The following C12orf42 variants were observed in gnomAD, a reference collection of about 807,000 sequenced individuals.
C12orf42 encodes the protein chromosome 12 open reading frame 42.
In C12orf42, 25 loss-of-function variants were observed where a neutral mutation model predicts 21.6. The ratio of observed to expected loss-of-function variants is 1.16; its 90% CI spans 0.84 to 1.62. The LOEUF (loss-of-function observed/expected upper bound fraction) is 1.62. Among genes scored for constraint, C12orf42 ranks in the 40% most tolerant of loss-of-function variants. The pLI is 0.00. For synonymous variants in C12orf42, 174 were observed against 175.0 expected, an observed-to-expected ratio of 0.99 and a Z score of 0.05; for missense variants, 483 against 459.3, an observed-to-expected ratio of 1.05 and a Z score of -0.47.
chr12:103,541,647 A>G, the C12orf42 span, among the ~76,000 whole-genome samples: 1 of 152,148 alleles, frequency 6.6e-6, no homozygotes, highest in Non-Finnish European at 1.5e-5. Flanking sequence ...TTTAAAGTGT[A>G]CTTGTGTACT....
chr12:103,473,804 A>G (rs1370740410), intron 2 of C12orf42, among the ~76,000 whole-genome samples: 1 of 152,194 alleles, frequency 6.6e-6, no homozygotes, highest in Non-Finnish European at 1.5e-5. Context: ...ATTTCTTTGT[A>G]TAATTATCTT....
intron 4 of C12orf42, among the ~76,000 whole-genome samples, chr12:103,293,543 A>G (rs1020494756): frequency 1.3e-5 from 2 of 152,112 alleles, no homozygotes; most frequent in African/African-American, 4.8e-5. Context: ...AATTATTCCA[A>G]CCAGAACTGA....
intron 2 of C12orf42, among the ~76,000 whole-genome samples, chr12:103,440,890 A>G (rs1951194128): frequency 6.6e-6 from 1 of 152,186 alleles, no homozygotes; most frequent in Non-Finnish European, 1.5e-5. Flanking sequence ...CTTAGCATCT[A>G]TTAAGTTTGC....
the C12orf42 span, among the ~76,000 whole-genome samples, chr12:103,176,138 G>A: frequency 3.3e-5 from 5 of 151,876 alleles, no homozygotes; most frequent in Non-Finnish European, 5.9e-5. Context: ...ATTGCTTACC[G>A]GCTAATTGTT....
At chr12:103,226,115 C>T in the C12orf42 span, among the ~76,000 whole-genome samples, 1 of 152,198 alleles carries the variant, frequency 6.6e-6, no homozygotes, top group Admixed American at 6.5e-5. Context: ...CATTCCTTGG[C>T]CCAGTGGCCA....
the C12orf42 span, among the ~76,000 whole-genome samples, chr12:103,104,650 G>A: frequency 2.0e-5 from 3 of 152,120 alleles, no homozygotes; most frequent in Non-Finnish European, 4.4e-5. Flanking sequence ...CATGTTGGCC[G>A]GGATGGTCTC....
chr12:103,208,863 T>C, the C12orf42 span, among the ~76,000 whole-genome samples: 40 of 152,330 alleles, frequency 2.6e-4, no homozygotes, highest in Non-Finnish European at 5.1e-4. Flanking sequence ...TTCCTCATTA[T>C]AAAAGCCCTC....
downstream of C12orf42, among the ~76,000 whole-genome samples, chr12:103,299,065 A>C (rs2037486901): frequency 6.6e-6 from 1 of 152,102 alleles, no homozygotes; most frequent in South Asian, 2.1e-4. Context: ...GGGTATAAAA[A>C]CTGATTTATA....
At chr12:103,154,835 C>T in the C12orf42 span, among the ~76,000 whole-genome samples, 1 of 152,110 alleles carries the variant, frequency 6.6e-6, no homozygotes, top group Non-Finnish European at 1.5e-5. Context: ...CTAAAAATAA[C>T]TTTTTATTTA....
At chr12:103,332,968 G>T (rs1389115385) in intron 4 of C12orf42, among the ~76,000 whole-genome samples, 1 of 152,126 alleles carries the variant, frequency 6.6e-6, no homozygotes. Context: ...TAAGTCGAAG[G>T]CTTAGCAGAC....
At chr12:103,432,949 G>A (rs1950376671) in intron 2 of C12orf42, among the ~76,000 whole-genome samples, 1 of 152,114 alleles carries the variant, frequency 6.6e-6, no homozygotes, top group Non-Finnish European at 1.5e-5. Context: ...TATTTTTTAT[G>A]GCAGCACAAG....
intron 10 of C12orf42, among the ~76,000 whole-genome samples, chr12:103,262,707 A>C (rs2034958095): frequency 6.6e-6 from 1 of 152,208 alleles, no homozygotes; most frequent in African/African-American, 2.4e-5. Flanking sequence ...TGTTGGTGGG[A>C]GTGTAAATTA....
chr12:103,049,169 T>C, the C12orf42 span, among the ~76,000 whole-genome samples: 16 of 152,216 alleles, frequency 1.1e-4, no homozygotes, highest in Admixed American at 1.0e-3. Context: ...CATTTGAATG[T>C]GTGAAAGCCA....
chr12:103,224,212 G>A, the C12orf42 span, among the ~76,000 whole-genome samples: 1 of 152,200 alleles, frequency 6.6e-6, no homozygotes, highest in African/African-American at 2.4e-5. Context: ...AGTCCTGGGT[G>A]GGGCAAATCC....
At chr12:103,283,757 T>G (rs924216796) in intron 4 of C12orf42, among the ~76,000 whole-genome samples, 1 of 152,228 alleles carries the variant, frequency 6.6e-6, no homozygotes, top group Non-Finnish European at 1.5e-5. Flanking sequence ...GGCAATGTCT[T>G]TGTGCACCAA....
chr12:103,489,498 G>A (rs531121830), intron 1 of C12orf42, among the ~76,000 whole-genome samples: 1 of 152,352 alleles, frequency 6.6e-6, no homozygotes, highest in Non-Finnish European at 1.5e-5. Context: ...TGTTAGACAG[G>A]GATGTTTAAG....
chr12:103,324,201 CAAT>C (rs147792453), intron 4 of C12orf42, among the ~76,000 whole-genome samples: 12,076 of 152,098 alleles, frequency 0.079, 485 homozygotes, highest in East Asian at 0.18. Context: ...TAAGCACTTA[CAAT>C]ATTATTATGT....
intron 10 of C12orf42, among the ~76,000 whole-genome samples, chr12:103,253,234 T>G (rs2070162370): frequency 6.6e-6 from 1 of 152,188 alleles, no homozygotes; most frequent in African/African-American, 2.4e-5. Context: ...TGAAGTTAGG[T>G]AGCATGATGC....
chr12:103,094,686 T>C, the C12orf42 span, among the ~76,000 whole-genome samples: 1 of 152,212 alleles, frequency 6.6e-6, no homozygotes, highest in African/African-American at 2.4e-5. Context: ...ATAGAATAGA[T>C]TCCTCTTTAA....
Sources: gnomAD v4.1 joint callset for allele counts (sites outside exome capture counted in the v4.1 genomes callset) on GRCh38, gnomAD v4.1.1 for gene constraint, MANE v1.5 for transcripts, NCBI Gene and HGNC (gene_info 2026-07-23, HGNC 2026-07-21) for gene names.